The following CNTN4 variants were observed in gnomAD, a reference collection of about 807,000 sequenced individuals.
CNTN4 encodes the protein contactin-4.
A neutral mutation model predicts 122.5 loss-of-function variants in CNTN4; 77 were observed. The observed-to-expected ratio is 0.63, with a 90% CI of 0.52 to 0.76. The LOEUF (loss-of-function observed/expected upper bound fraction) is 0.76, where lower values mean the gene tolerates loss of function less well. Among genes scored for constraint, CNTN4 ranks in the 30% least tolerant of loss-of-function variants. The probability of loss-of-function intolerance (pLI) is 0.00; values close to 1 mark genes in which losing one functional copy is unlikely to be tolerated. For missense variants in CNTN4, 1,256 were observed against 1,259.1 expected (o/e 1.00, Z 0.04); for synonymous variants, 512 against 447.0 (o/e 1.15, Z -1.83).
At chr3:2,816,651 T>C (rs574255832) in intron 6 of CNTN4, among the ~76,000 whole-genome samples, 17 of 150,476 alleles carry the variant, frequency 1.1e-4, no homozygotes, top group South Asian at 4.2e-4. Context: ...TGAAACCCCG[T>C]CTCTACTAAA....
chr3:2,501,149 C>G (rs534328304), intron 3 of CNTN4, among the ~76,000 whole-genome samples: 1 of 152,190 alleles, frequency 6.6e-6, no homozygotes, highest in South Asian at 2.1e-4. Context: ...GTGGGAGACC[C>G]ATATGCTCAG....
Position 2,481,137 on chromosome 3 carries a change from C to G in CNTN4, c.-88-90279C>G, listed in dbSNP as rs1179240419. On this transcript the variant is annotated intron_variant, in intron 3 of 24. Transcript: ENST00000418658. ...TCTCTCTTTCTCCCTCTTTCTTTCTCTCTTTCTTTCTTTGTTTTTTTGAAA... is the reference window on the plus strand; with the variant it reads ...TCTCTCTTTCTCCCTCTTTCTTTCTGTCTTTCTTTCTTTGTTTTTTTGAAA... Among the ~76,000 whole-genome samples the G allele has an allele frequency of 7.5e-5, 10 of 133,758 alleles. No individual in the cohort carries two copies. The East Asian group carries it at 1.8e-3, about 24-fold the overall frequency. The allele number at this position is 133,758 out of a possible 152,430, so 87.8% of individuals were successfully genotyped here.
intron 4 of CNTN4, among the ~76,000 whole-genome samples, chr3:2,597,954 A>G (rs1269664000): frequency 6.6e-6 from 1 of 152,168 alleles, no homozygotes; most frequent in African/African-American, 2.4e-5. Context: ...TCCTTACCTA[A>G]TGAACTTTTT....
intron 4 of CNTN4, among the ~76,000 whole-genome samples, chr3:2,718,358 T>C (rs772999207): frequency 7.3e-4 from 111 of 152,336 alleles, no homozygotes; most frequent in Non-Finnish European, 1.3e-3. Flanking sequence ...ATCTCTATTA[T>C]GTGCTGGATA....
At chr3:2,815,891 T>TATATATATATATATATA (rs1559534875) in intron 6 of CNTN4, among the ~76,000 whole-genome samples, 12 of 147,958 alleles carry the variant, frequency 8.1e-5, no homozygotes, top group African/African-American at 2.8e-4. Context: ...TATATATATA[T>TATATATATATATATATA]GATGGAATAC....
Position 3,030,697 on chromosome 3 carries a change from A to G in CNTN4, c.1663-158A>G, listed in dbSNP as rs112822239. Among the ~76,000 whole-genome samples, 9,724 of 152,326 alleles carry G rather than the reference A, an allele frequency of 0.064. 479 individuals carry two copies. The highest frequency in any genetic ancestry group is 0.1 in the Admixed American group (1,526 of 15,292). ...GAAAACGTCGGTGTTCCCATCTCTC[A>G]GGCAGGCTCACATATTTTTAACAGG... On this transcript the variant is annotated intron_variant, in intron 15 of 24. Coordinates refer to ENST00000418658, the MANE Select transcript of CNTN4 (RefSeq NM_175607.3).
intron 4 of CNTN4, among the ~76,000 whole-genome samples, chr3:2,678,119 T>C (rs2084971588): frequency 6.6e-6 from 1 of 152,170 alleles, no homozygotes; most frequent in South Asian, 2.1e-4. Flanking sequence ...CAATCCACAA[T>C]ATAATGATGA....
chr3:2,260,724 A>T (rs1241220272), intron 2 of CNTN4, among the ~76,000 whole-genome samples: 1 of 93,702 alleles, frequency 1.1e-5, no homozygotes. Context: ...TTTTTATTTT[A>T]TTTATTTATT....
At position 2,340,710 on chromosome 3, in the gene CNTN4, T is replaced by TATATAGAG; in HGVS notation, c.-89+1478_-89+1479insTATAGAGA. On this transcript the variant is annotated intron_variant, in intron 3 of 24. Transcript: ENST00000418658. ...TTATATATATATATATATATATATA[T>TATATAGAG]AGAGAGAGAGAGAGAGAGAGAGAGA... 6.7e-3 allele frequency among the ~76,000 whole-genome samples: 123 copies of TATATAGAG among 18,298 alleles called. 2 individuals are homozygous for TATATAGAG. Among genetic ancestry groups the TATATAGAG allele is most frequent in the African/African-American group, 0.011 (111 of 9,972 alleles). The allele number at this position is 18,298 out of a possible 152,430, so 12.0% of individuals were successfully genotyped here. A position where few individuals can be genotyped will look rare whatever the true frequency, so the allele number is the denominator to read the frequency against.
intron 12 of CNTN4, among the ~76,000 whole-genome samples, chr3:2,906,844 CAA>C (rs11287897): frequency 7.7e-4 from 94 of 122,368 alleles, no homozygotes; most frequent in Non-Finnish European, 1.0e-3. Context: ...AACTCCTTCT[CAA>C]AAAAAAAAAA....
At chr3:2,927,481 G>A in intron 13 of CNTN4, 1 of 321,034 alleles carries the variant, frequency 3.1e-6, no homozygotes. Context: ...CAGGTCACAT[G>A]TTCCTGCAAC....
chr3:2,870,285 G>A (rs754121530), intron 8 of CNTN4, among the ~76,000 whole-genome samples: 15 of 152,274 alleles, frequency 9.9e-5, no homozygotes, highest in African/African-American at 3.6e-4. Context: ...TTATCACAAA[G>A]TTAGCAGACT....
chr3:2,782,465 CTGTGTGTGTGTGTGTGTGTG>C (rs137927481), intron 6 of CNTN4, among the ~76,000 whole-genome samples: 42 of 133,292 alleles, frequency 3.2e-4, no homozygotes, highest in Admixed American at 1.5e-3. Flanking sequence ...CCTTCTTATT[CTGTGTGTGTGTGTGTGTGTG>C]TGTGTGTGTG....
At chr3:2,776,531 T>G (rs927458358) in intron 6 of CNTN4, among the ~76,000 whole-genome samples, 3 of 152,048 alleles carry the variant, frequency 2.0e-5, no homozygotes, top group African/African-American at 7.2e-5. Context: ...AAGTCAACAT[T>G]CCTCAGGGCC....
chr3:2,506,809 G>T (rs1052889959), intron 3 of CNTN4, among the ~76,000 whole-genome samples: 1 of 152,118 alleles, frequency 6.6e-6, no homozygotes. Context: ...GTGGGAGACG[G>T]GAGAGGGAGT....
At chr3:2,631,885 A>C (rs952174766) in intron 4 of CNTN4, among the ~76,000 whole-genome samples, 1 of 142,460 alleles carries the variant, frequency 7.0e-6, no homozygotes, top group Non-Finnish European at 1.5e-5. Context: ...AAAACAAAAA[A>C]AAACAACAAC....
intron 14 of CNTN4, among the ~76,000 whole-genome samples, chr3:2,998,761 C>G (rs1440176618): frequency 6.6e-6 from 1 of 152,132 alleles, no homozygotes; most frequent in African/African-American, 2.4e-5. Context: ...GGGGAACACA[C>G]CCATAGCTAT....
rs141276296 is a variant in CNTN4, at chr3:2,350,701, A to T, written c.-89+11468A>T. ...TTGTTCATGAAGTAGCGAGAAATGA[A>T]TAGCTCTCAGTCAATATTTAATTGA... On this transcript the variant is annotated intron_variant, in intron 3 of 24. Transcript: ENST00000418658. Among the ~76,000 whole-genome samples, 106 of 152,326 alleles carry T rather than the reference A, an allele frequency of 7.0e-4. 1 individual carries two copies. Among genetic ancestry groups the T allele is most frequent in the African/African-American group, 2.3e-3 (94 of 41,572 alleles).
chr3:2,501,846 T>G (rs1371555810), intron 3 of CNTN4, among the ~76,000 whole-genome samples: 1 of 152,136 alleles, frequency 6.6e-6, no homozygotes, highest in African/African-American at 2.4e-5. Context: ...ACACCTAGAT[T>G]CCACCATTTA....
Sources: allele counts gnomAD v4.1 joint callset (sites outside exome capture counted in the v4.1 genomes callset), GRCh38; gene constraint gnomAD v4.1.1; transcripts MANE v1.5; gene names NCBI Gene and HGNC (gene_info 2026-07-23, HGNC 2026-07-21).